Variants in SPTLC3 observed in about 807,000 individuals in gnomAD.
SPTLC3 encodes the protein serine palmitoyltransferase 3.
A neutral mutation model predicts 59.3 loss-of-function variants in SPTLC3; 36 were observed. The observed-to-expected ratio is 0.61, with a 90% CI of 0.47 to 0.80. The LOEUF (loss-of-function observed/expected upper bound fraction) is 0.80. Ranked by LOEUF, SPTLC3 falls within the 30% of genes least tolerant of loss-of-function variation. The pLI is 0.00. For missense variants in SPTLC3, 625 were observed against 685.1 expected (o/e 0.91, Z 0.98); for synonymous variants, 257 against 240.8 (o/e 1.07, Z -0.62).
chr20:13,035,942 A>G (rs1014611402), intron 1 of SPTLC3, among the ~76,000 whole-genome samples: 1 of 152,126 alleles, frequency 6.6e-6, no homozygotes, highest in African/African-American at 2.4e-5. Flanking sequence ...GTAGAACTGT[A>G]CTCTCATCAT....
chr20:13,118,295 A>G (rs997339074), intron 8 of SPTLC3, among the ~76,000 whole-genome samples: 3 of 152,112 alleles, frequency 2.0e-5, no homozygotes, highest in African/African-American at 7.2e-5. Flanking sequence ...TGCAAAAAAA[A>G]TTCTTTCCAT....
chr20:13,153,760 C>T (rs866748852), intron 9 of SPTLC3, among the ~76,000 whole-genome samples: 38 of 152,140 alleles, frequency 2.5e-4, no homozygotes, highest in African/African-American at 8.7e-4. Flanking sequence ...CGTATCCTGG[C>T]TTCAGTTGCT....
intron 8 of SPTLC3, among the ~76,000 whole-genome samples, chr20:13,124,361 A>G (rs1341265578): frequency 1.3e-5 from 2 of 151,726 alleles, no homozygotes; most frequent in African/African-American, 4.8e-5. Context: ...GAGGAAGGGA[A>G]GAAGGGAGGG....
At chr20:13,073,982 G>C (rs1988544459) in intron 3 of SPTLC3, 1 of 605,456 alleles carries the variant, frequency 1.7e-6, no homozygotes. Context: ...GGTATATCCT[G>C]ATGACCAATG....
At position 13,166,856 on chromosome 20, in the gene SPTLC3, AT is replaced by A. The variant is rs2038990752; in HGVS notation, c.*1991del. ...GTCTTCATGAGCAGGAATGTCCACT[AT>A]TATTACTTTCATGGAGGATATTGGG... On this transcript the variant is annotated 3_prime_UTR_variant, in exon 12 of 12. Transcript: ENST00000399002. The A allele has an allele frequency of 1.3e-5, 2 of 152,176 alleles. No individual in the cohort carries two copies. The highest frequency in any genetic ancestry group is 4.8e-5 in the African/African-American group (2 of 41,446). The allele number at this position is 152,176 out of a possible 1,614,324, so 9.4% of individuals were successfully genotyped here.
At chr20:13,092,650 C>T (rs1014960537) in intron 5 of SPTLC3, among the ~76,000 whole-genome samples, 21 of 151,972 alleles carry the variant, frequency 1.4e-4, no homozygotes, top group African/African-American at 3.9e-4. Context: ...CTAAATGTTC[C>T]GCCAGAAAAA....
intron 1 of SPTLC3, among the ~76,000 whole-genome samples, chr20:13,023,265 G>GCACACA (rs34054687): frequency 2.1e-5 from 3 of 145,056 alleles, no homozygotes; most frequent in Non-Finnish European, 4.5e-5. Context: ...CTGCACATGT[G>GCACACA]CACACACACA....
intron 1 of SPTLC3, among the ~76,000 whole-genome samples, chr20:13,022,469 C>G (rs567719968): frequency 6.6e-6 from 1 of 152,282 alleles, no homozygotes; most frequent in African/African-American, 2.4e-5. Flanking sequence ...ACAGTGAGGA[C>G]AGCTCTCCCC....
intron 9 of SPTLC3, among the ~76,000 whole-genome samples, chr20:13,128,001 T>C (rs1300014984): frequency 1.3e-5 from 2 of 152,230 alleles, no homozygotes; most frequent in Non-Finnish European, 2.9e-5. Flanking sequence ...GAGTGACTTA[T>C]CTATTCAACC....
At chr20:13,069,592 G>T (rs1224492835) in intron 2 of SPTLC3, among the ~76,000 whole-genome samples, 1 of 152,084 alleles carries the variant, frequency 6.6e-6, no homozygotes. Context: ...GGAGCTCGGA[G>T]CCCAGGTGGT....
At chr20:13,162,776 A>G (rs1227814544) in intron 11 of SPTLC3, among the ~76,000 whole-genome samples, 1 of 152,102 alleles carries the variant, frequency 6.6e-6, no homozygotes, top group African/African-American at 2.4e-5. Flanking sequence ...CCACTTCTTA[A>G]CAGCATCCAA....
intron 4 of SPTLC3, among the ~76,000 whole-genome samples, chr20:13,089,286 G>C (rs1215084645): frequency 6.6e-6 from 1 of 152,080 alleles, no homozygotes; most frequent in Non-Finnish European, 1.5e-5. Flanking sequence ...GCAAATTACA[G>C]CATCTCTCCA....
chr20:13,136,555 G>A (rs1319999284), intron 9 of SPTLC3, among the ~76,000 whole-genome samples: 2 of 150,770 alleles, frequency 1.3e-5, no homozygotes, highest in African/African-American at 2.4e-5. Flanking sequence ...AGATTAAATC[G>A]AACCACTGCA....
intron 4 of SPTLC3, among the ~76,000 whole-genome samples, chr20:13,088,784 A>ATTT (rs375680092): frequency 0.44 from 49,258 of 111,820 alleles, 12,254 homozygotes; most frequent in African/African-American, 0.58. Flanking sequence ...GCACCCGGCT[A>ATTT]TTTTTTTTTT....
chr20:13,128,654 T>C (rs1460093454), intron 9 of SPTLC3, among the ~76,000 whole-genome samples: 1 of 151,942 alleles, frequency 6.6e-6, no homozygotes, highest in Non-Finnish European at 1.5e-5. Flanking sequence ...ACAGGTACCT[T>C]TTATTTTGGA....
At chr20:13,069,517 C>T (rs545418455) in intron 2 of SPTLC3, among the ~76,000 whole-genome samples, 22 of 152,252 alleles carry the variant, frequency 1.4e-4, no homozygotes, top group South Asian at 2.1e-4. Flanking sequence ...CCCTCGCATG[C>T]GCAGTTCACA....
At chr20:13,056,619 T>G (rs1056546621) in intron 2 of SPTLC3, among the ~76,000 whole-genome samples, 1 of 151,960 alleles carries the variant, frequency 6.6e-6, no homozygotes, top group African/African-American at 2.4e-5. Context: ...TGGCTAATTT[T>G]TTATATTTTT....
In SPTLC3 at chr20:13,154,037, A is replaced by T. The variant is rs778034093; in HGVS notation, c.1314A>T (p.Thr438=). 5.6e-6 allele frequency: 9 copies of T among 1,614,150 alleles called. No homozygotes were observed. The Admixed American group carries it at 1.0e-4, about 18-fold the overall frequency. Residue 438 remains threonine (T), a synonymous_variant, in exon 10 of 12, where the codon ACA becomes ACT. Coordinates refer to ENST00000399002, the MANE Select transcript of SPTLC3 (RefSeq NM_018327.4). The part of the protein sequence containing the change: ...LQRVQQLAKN[T]RYFRQRLQEM... ...GAGTACAGCAACTTGCGAAAAACACAAGATACTTCAGACAAAGACTGCAGG... is the reference window on the plus strand; with the variant it reads ...GAGTACAGCAACTTGCGAAAAACACTAGATACTTCAGACAAAGACTGCAGG...
intron 5 of SPTLC3, 90 bp from the exon 6 acceptor site, chr20:13,093,394 T>C (rs1301372963): frequency 6.1e-6 from 7 of 1,151,488 alleles, no homozygotes; most frequent in African/African-American, 3.1e-5. Context: ...AATTGTGTTA[T>C]AGGTTTTAGA....
Sources: gnomAD v4.1 joint callset for allele counts (sites outside exome capture counted in the v4.1 genomes callset) on GRCh38, gnomAD v4.1.1 for gene constraint, MANE v1.5 for transcripts, NCBI Gene and HGNC (gene_info 2026-07-23, HGNC 2026-07-21) for gene names.